The following SLC35F3 variants were observed in gnomAD, a reference collection of about 807,000 sequenced individuals.
SLC35F3 encodes the protein solute carrier family 35 member F3.
In SLC35F3, 25 loss-of-function variants were observed where a neutral mutation model predicts 49.9. The ratio of observed to expected loss-of-function variants is 0.50; its 90% CI spans 0.37 to 0.70. The LOEUF is 0.70. Ranked by LOEUF, SLC35F3 falls within the 30% of genes least tolerant of loss-of-function variation. The pLI is 0.00. For missense variants in SLC35F3, 525 were observed against 639.8 expected, an observed-to-expected ratio of 0.82 and a Z score of 1.94; for synonymous variants, 275 against 265.4, an observed-to-expected ratio of 1.04 and a Z score of -0.35.
chr1:234,270,722 G>A (rs1413201707), intron 3 of SLC35F3, among the ~76,000 whole-genome samples: 4 of 152,300 alleles, frequency 2.6e-5, no homozygotes, highest in South Asian at 2.1e-4. Flanking sequence ...GGCTTTTTGC[G>A]AGACAAAAAG....
At chr1:233,974,075 C>T (rs1663036160) in intron 2 of SLC35F3, among the ~76,000 whole-genome samples, 1 of 151,112 alleles carries the variant, frequency 6.6e-6, no homozygotes. Flanking sequence ...TATCTGATGG[C>T]AATGTTCTTT....
chr1:234,089,087 A>G (rs1369465948), intron 2 of SLC35F3, among the ~76,000 whole-genome samples: 1 of 152,222 alleles, frequency 6.6e-6, no homozygotes, highest in African/African-American at 2.4e-5. Context: ...TCGTTTATGC[A>G]CAAAGAAAAC....
At position 234,052,368 on chromosome 1, in the gene SLC35F3, G is replaced by A. The variant is rs1211030169; in HGVS notation, c.283+146610G>A. 4.6e-5 allele frequency among the ~76,000 whole-genome samples: 7 copies of A among 152,294 alleles called. 1 individual carries two copies. The highest frequency in any genetic ancestry group is 3.9e-4 in the Admixed American group (6 of 15,280). On this transcript the variant is annotated intron_variant, in intron 2 of 7. Coordinates refer to ENST00000366618, the MANE Select transcript of SLC35F3 (RefSeq NM_173508.4). ...GCTTCTTACTGGTTTAGTCTTGGGA[G>A]GGTGTATATGTCCAGGAATTTATCC...
intron 2 of SLC35F3, among the ~76,000 whole-genome samples, chr1:234,184,006 G>C (rs913568487): frequency 2.6e-5 from 4 of 152,114 alleles, no homozygotes; most frequent in African/African-American, 9.7e-5. Context: ...AACAAAAAAA[G>C]GAGCACTCAG....
intron 2 of SLC35F3, among the ~76,000 whole-genome samples, chr1:234,010,234 A>G (rs1353780681): frequency 2.6e-5 from 4 of 152,248 alleles, no homozygotes; most frequent in African/African-American, 9.6e-5. Flanking sequence ...GGGGGACACT[A>G]AAAGTAGAGA....
chr1:234,086,753 A>G (rs547357252), intron 2 of SLC35F3, among the ~76,000 whole-genome samples: 1 of 152,166 alleles, frequency 6.6e-6, no homozygotes, highest in Non-Finnish European at 1.5e-5. Flanking sequence ...CACATGCATG[A>G]CAGTTCAGGA....
chr1:234,080,715 C>G (rs938376369), intron 2 of SLC35F3, among the ~76,000 whole-genome samples: 1 of 151,990 alleles, frequency 6.6e-6, no homozygotes, highest in Non-Finnish European at 1.5e-5. Flanking sequence ...ATAGACAAAT[C>G]CATACAGAAA....
intron 2 of SLC35F3, among the ~76,000 whole-genome samples, chr1:233,996,132 C>T (rs112060561): frequency 7.3e-4 from 111 of 152,126 alleles, no homozygotes; most frequent in African/African-American, 2.6e-3. Flanking sequence ...TAGATTCAAC[C>T]AATCAAGAAT....
At chr1:233,948,248 A>AGT (rs1662548229) in intron 2 of SLC35F3, among the ~76,000 whole-genome samples, 1 of 150,192 alleles carries the variant, frequency 6.7e-6, no homozygotes, top group African/African-American at 2.5e-5. Flanking sequence ...AGAGAGAGAG[A>AGT]GAGAGAGAAT....
At chr1:234,044,179 A>G (rs1664259587) in intron 2 of SLC35F3, among the ~76,000 whole-genome samples, 1 of 152,194 alleles carries the variant, frequency 6.6e-6, no homozygotes, top group Admixed American at 6.5e-5. Flanking sequence ...GCCTGTTTGC[A>G]TGTGTCCACT....
chr1:234,146,808 C>G (rs994417325), intron 2 of SLC35F3, among the ~76,000 whole-genome samples: 2 of 152,132 alleles, frequency 1.3e-5, no homozygotes, highest in African/African-American at 4.8e-5. Flanking sequence ...GCCACCGTGC[C>G]CGGCCTCATC....
At chr1:234,090,217 G>A (rs1164357012) in intron 2 of SLC35F3, among the ~76,000 whole-genome samples, 1 of 152,254 alleles carries the variant, frequency 6.6e-6, no homozygotes, top group African/African-American at 2.4e-5. Flanking sequence ...GCTGAGCACT[G>A]TGTGCTATGT....
intron 2 of SLC35F3, among the ~76,000 whole-genome samples, chr1:233,949,209 C>T (rs1461868373): frequency 6.6e-6 from 1 of 152,146 alleles, no homozygotes; most frequent in Non-Finnish European, 1.5e-5. Context: ...CCTAACTTTT[C>T]CTCGAATGCC....
At chr1:234,049,170 A>G (rs1664336902) in intron 2 of SLC35F3, among the ~76,000 whole-genome samples, 1 of 152,232 alleles carries the variant, frequency 6.6e-6, no homozygotes. Flanking sequence ...TGAGAAGGAC[A>G]TGAATTCTGG....
chr1:234,051,669 A>T (rs1664379691), intron 2 of SLC35F3, among the ~76,000 whole-genome samples: 1 of 152,122 alleles, frequency 6.6e-6, no homozygotes, highest in South Asian at 2.1e-4. Flanking sequence ...AGAACTTCCA[A>T]CACTATGTTG....
intron 3 of SLC35F3, among the ~76,000 whole-genome samples, chr1:234,294,117 A>T (rs980759057): frequency 2.6e-5 from 4 of 152,226 alleles, no homozygotes. Context: ...AATAGTTTTA[A>T]CACAGCTCCT....
At chr1:233,968,216 GTGC>G (rs1431150778) in intron 2 of SLC35F3, among the ~76,000 whole-genome samples, 1 of 152,164 alleles carries the variant, frequency 6.6e-6, no homozygotes, top group African/African-American at 2.4e-5. Flanking sequence ...ATCTCCCTGA[GTGC>G]ATTCTGCCTG....
At chr1:234,317,900 A>T (rs1319999781) in intron 5 of SLC35F3, among the ~76,000 whole-genome samples, 1 of 152,270 alleles carries the variant, frequency 6.6e-6, no homozygotes, top group Non-Finnish European at 1.5e-5. Context: ...TTCAGATTCC[A>T]GTCTCCAACT....
At chr1:234,281,214 C>T (rs1350457354) in intron 3 of SLC35F3, among the ~76,000 whole-genome samples, 1 of 152,096 alleles carries the variant, frequency 6.6e-6, no homozygotes, top group Non-Finnish European at 1.5e-5. Flanking sequence ...TCCAGTCTGA[C>T]AGGTGTGCCT....
Sources: gnomAD v4.1 joint callset for allele counts (sites outside exome capture counted in the v4.1 genomes callset) on GRCh38, gnomAD v4.1.1 for gene constraint, MANE v1.5 for transcripts, NCBI Gene and HGNC (gene_info 2026-07-23, HGNC 2026-07-21) for gene names.